Variants in LRRC4C observed in about 807,000 individuals in gnomAD.
The protein encoded by LRRC4C is leucine-rich repeat-containing protein 4C.
LRRC4C carries 5 observed loss-of-function variants against 33.6 expected under a neutral mutation model. The ratio of observed to expected loss-of-function variants is 0.15; its 90% confidence interval spans 0.08 to 0.31. The LOEUF (loss-of-function observed/expected upper bound fraction) is 0.31. LRRC4C is among the 10% of genes least tolerant of loss of function. The probability of loss-of-function intolerance (pLI) is 1.00; values close to 1 mark genes in which losing one functional copy is unlikely to be tolerated. For synonymous variants in LRRC4C, 329 were observed against 302.0 expected (o/e 1.09, Z -0.93); for missense variants, 560 against 796.7 (o/e 0.70, Z 3.58).
At chr11:40,678,305 C>G (rs2136312438) in intron 2 of LRRC4C, among the ~76,000 whole-genome samples, 1 of 152,182 alleles carries the variant, frequency 6.6e-6, no homozygotes, top group South Asian at 2.1e-4. Context: ...CCTTCTCCCC[C>G]ATCTAATAGT....
At chr11:40,601,990 A>G (rs1960047013) in intron 3 of LRRC4C, among the ~76,000 whole-genome samples, 1 of 151,730 alleles carries the variant, frequency 6.6e-6, no homozygotes, top group Non-Finnish European at 1.5e-5. Context: ...GGAGATTGAG[A>G]CCATCCTGGC....
intron 3 of LRRC4C, among the ~76,000 whole-genome samples, chr11:40,493,780 G>A (rs115165214): frequency 3.3e-5 from 5 of 152,088 alleles, no homozygotes; most frequent in Admixed American, 6.6e-5. Context: ...GTTATTAAGT[G>A]CATTTAGGTG....
intron 1 of LRRC4C, among the ~76,000 whole-genome samples, chr11:41,256,616 T>C (rs1401568373): frequency 6.6e-6 from 1 of 151,970 alleles, no homozygotes; most frequent in Non-Finnish European, 1.5e-5. Flanking sequence ...GATCAACTCA[T>C]ATGTAGAAAG....
chr11:40,979,687 G>A (rs10768656), intron 1 of LRRC4C, among the ~76,000 whole-genome samples: 48,946 of 152,014 alleles, frequency 0.32, 9,414 homozygotes, highest in Non-Finnish European at 0.42. Flanking sequence ...CGAGTGTGAG[G>A]TGAAATCAAA....
intron 2 of LRRC4C, among the ~76,000 whole-genome samples, chr11:40,914,148 T>C (rs912049182): frequency 1.3e-5 from 2 of 152,096 alleles, no homozygotes; most frequent in Non-Finnish European, 2.9e-5. Flanking sequence ...TTCCTTCTGA[T>C]ACTATTTCAA....
In LRRC4C at chr11:40,918,142, T is replaced by G. The variant is rs1279293124; in HGVS notation, c.-407+15493A>C. On this transcript the variant is annotated intron_variant, in intron 2 of 6. Coordinates refer to ENST00000528697, the MANE Select transcript of LRRC4C (RefSeq NM_001258419.2). ...TTTATCTTTCACTAAGTATTCCCAG[T>G]GAGCCTTTGTGTAAGGAGAAATGAA... 3.9e-5 allele frequency among the ~76,000 whole-genome samples: 6 copies of G among 152,230 alleles called. No individual in the cohort carries two copies. The East Asian group carries it at 9.7e-4, about 25-fold the overall frequency.
chr11:41,233,527 C>A (rs7930614), intron 1 of LRRC4C, among the ~76,000 whole-genome samples: 38,257 of 151,766 alleles, frequency 0.25, 5,597 homozygotes, highest in East Asian at 0.43. Context: ...CTTGTATAAA[C>A]TGCATCACAT....
At chr11:40,997,608 G>A (rs1854075478) in intron 1 of LRRC4C, among the ~76,000 whole-genome samples, 1 of 152,064 alleles carries the variant, frequency 6.6e-6, no homozygotes. Context: ...CTAGAGGTGG[G>A]CAAAGGGTCA....
At chr11:41,313,516 A>G (rs1167589194) in intron 1 of LRRC4C, among the ~76,000 whole-genome samples, 1 of 152,168 alleles carries the variant, frequency 6.6e-6, no homozygotes, top group Non-Finnish European at 1.5e-5. Context: ...GCCAGAAAGA[A>G]AAACAAATGC....
At chr11:40,666,214 C>T (rs1591413638) in intron 2 of LRRC4C, among the ~76,000 whole-genome samples, 1 of 152,012 alleles carries the variant, frequency 6.6e-6, no homozygotes, top group African/African-American at 2.4e-5. Context: ...ATGTTGAACA[C>T]AAAAAGCAAG....
intron 3 of LRRC4C, among the ~76,000 whole-genome samples, chr11:40,630,352 TC>T (rs1281835554): frequency 2.5e-5 from 1 of 39,640 alleles, no homozygotes; most frequent in African/African-American, 6.9e-5. Flanking sequence ...TTCTTCTTCT[TC>T]TTCTTCTTCT....
chr11:41,193,716 A>G (rs1946061830), intron 1 of LRRC4C, among the ~76,000 whole-genome samples: 1 of 152,142 alleles, frequency 6.6e-6, no homozygotes. Context: ...CCAGTGCCAG[A>G]CGAGGTAGAA....
chr11:40,565,457 A>C (rs1957718498), intron 3 of LRRC4C, among the ~76,000 whole-genome samples: 1 of 152,222 alleles, frequency 6.6e-6, no homozygotes. Flanking sequence ...TGAAGAAGGC[A>C]GTAGAGCTAG....
At chr11:40,372,970 T>G (rs1341399369) in intron 3 of LRRC4C, among the ~76,000 whole-genome samples, 1 of 152,170 alleles carries the variant, frequency 6.6e-6, no homozygotes, top group Non-Finnish European at 1.5e-5. Context: ...AAATCATGGT[T>G]GTTAGAGTTG....
At chr11:40,602,956 T>C (rs1018336607) in intron 3 of LRRC4C, among the ~76,000 whole-genome samples, 5 of 152,100 alleles carry the variant, frequency 3.3e-5, no homozygotes, top group Admixed American at 1.3e-4. Context: ...CAGGAAGTAA[T>C]AGTCACACAG....
chr11:41,394,423 T>C (rs560580453), intron 1 of LRRC4C, among the ~76,000 whole-genome samples: 1 of 151,880 alleles, frequency 6.6e-6, no homozygotes, highest in Non-Finnish European at 1.5e-5. Flanking sequence ...CAGAGAGGGC[T>C]CTGGTTATGT....
chr11:41,219,176 G>A (rs1235214188), intron 1 of LRRC4C, among the ~76,000 whole-genome samples: 1 of 152,102 alleles, frequency 6.6e-6, no homozygotes, highest in African/African-American at 2.4e-5. Flanking sequence ...TTAATTATGG[G>A]TAGATTCGTT....
intron 1 of LRRC4C, among the ~76,000 whole-genome samples, chr11:41,160,842 T>C (rs1264053879): frequency 1.3e-5 from 2 of 152,188 alleles, no homozygotes; most frequent in African/African-American, 2.4e-5. Flanking sequence ...TAGTGAGATA[T>C]TAAGTTCCTG....
chr11:41,118,058 T>A (rs1425021391), intron 1 of LRRC4C, among the ~76,000 whole-genome samples: 1 of 152,164 alleles, frequency 6.6e-6, no homozygotes, highest in Non-Finnish European at 1.5e-5. Context: ...GGTCATTCCT[T>A]TATCATGTGT....
Sources: gnomAD v4.1 joint callset for allele counts (sites outside exome capture counted in the v4.1 genomes callset) on GRCh38, gnomAD v4.1.1 for gene constraint, MANE v1.5 for transcripts, NCBI Gene and HGNC (gene_info 2026-07-23, HGNC 2026-07-21) for gene names.